Variants in CCDC14 observed in about 807,000 individuals in gnomAD.
CCDC14 encodes the protein coiled-coil domain-containing protein 14.
In CCDC14, 71 loss-of-function variants were observed where a neutral mutation model predicts 81.4. The ratio of observed to expected loss-of-function variants is 0.87; its 90% CI spans 0.72 to 1.06. The LOEUF (loss-of-function observed/expected upper bound fraction) is 1.06. CCDC14 is among the 50% of genes least tolerant of loss of function. The pLI is 0.00. For synonymous variants in CCDC14, 332 were observed against 364.8 expected (o/e 0.91, Z 1.03); for missense variants, 1,046 against 1,047.3 (o/e 1.00, Z 0.02).
chr3:123,915,278 T>G lies in CCDC14; in HGVS notation c.2219A>C (p.Glu740Ala), dbSNP rs2034599307. The G allele has an allele frequency of 6.2e-7, 1 of 1,613,850 alleles. No homozygotes were observed. The highest frequency in any genetic ancestry group is 8.5e-7 in the Non-Finnish European group (1 of 1,179,904). ...IYIPFARSTP[E>A]KKSPLSKRLS... Reference sequence around the variant, plus strand: ...TCTCTTAGAAAGTGGTGATTTCTTTTCAGGAGTGCTTCTAGCAAAAGGAAT... The same window carrying G: ...TCTCTTAGAAAGTGGTGATTTCTTTGCAGGAGTGCTTCTAGCAAAAGGAAT... The change falls in exon 13 of 13, where the codon GAA becomes GCA. Residue 740 changes from glutamate (E) to alanine (A), a missense_variant. Transcript: ENST00000409697.
chr3:123,890,302 C>T, the CCDC14 span, among the ~76,000 whole-genome samples: 8 of 152,304 alleles, frequency 5.3e-5, no homozygotes, highest in Non-Finnish European at 5.9e-5. Flanking sequence ...CCTCACATTT[C>T]AAAACCAATC....
At chr3:123,958,804 A>G (rs2148970792) in intron 1 of CCDC14, 1 of 152,150 alleles carries the variant, frequency 6.6e-6, no homozygotes, top group African/African-American at 2.4e-5. Context: ...AAAAACAAAA[A>G]TCCCTCTGGT....
chr3:123,885,178 T>C, the CCDC14 span, among the ~76,000 whole-genome samples: 1 of 152,100 alleles, frequency 6.6e-6, no homozygotes, highest in African/African-American at 2.4e-5. Context: ...TTAAGGAGTG[T>C]TTTTAAAAAT....
intron 9 of CCDC14, among the ~76,000 whole-genome samples, chr3:123,944,644 T>C (rs2036530001): frequency 6.6e-6 from 1 of 151,972 alleles, no homozygotes; most frequent in African/African-American, 2.4e-5. Flanking sequence ...AGGGGTAAAA[T>C]AAGTGGGAGA....
chr3:123,961,201 C>G lies in CCDC14; in HGVS notation c.-28G>C. ...CTCGCCGCCTCAGAGAAGCCCAGAC[C>G]GAGGGAAGTGAAGCCTCACGGTAAA... On this transcript the variant is annotated 5_prime_UTR_variant, in exon 1 of 13. Transcript: ENST00000409697. The G allele has an allele frequency of 3.2e-6, 5 of 1,551,592 alleles. No individual in the cohort carries two copies. Among genetic ancestry groups the G allele is most frequent in the Non-Finnish European group, 4.4e-6 (5 of 1,146,988 alleles).
chr3:123,931,668 C>T (rs2035728128), intron 10 of CCDC14, 142 bp from the exon 11 acceptor site: 5 of 544,956 alleles, frequency 9.2e-6, no homozygotes, highest in African/African-American at 2.0e-5. Flanking sequence ...AGCAGTTCTA[C>T]ATAAATACTA....
At chr3:123,923,838 A>G (rs1368106369) in intron 12 of CCDC14, among the ~76,000 whole-genome samples, 1 of 151,694 alleles carries the variant, frequency 6.6e-6, no homozygotes, top group African/African-American at 2.4e-5. Flanking sequence ...CATGATTGGA[A>G]GAAATAATAT....
In CCDC14 at chr3:123,947,259, A is replaced by G. The variant is rs200026659; in HGVS notation, c.745T>C (p.Cys249Arg). ...AATGAATTCCGTAGAACATCAGTAC[A>G]GGTTGCAGAAACTGTTTTACCTTGT... Reference protein sequence around the residue: ...ASQGKTVSATCTDVLRNSFNT... With the variant: ...ASQGKTVSATRTDVLRNSFNT... Residue 249 changes from cysteine to arginine, a missense_variant, in exon 8 of 13, where the codon TGT (cysteine) becomes CGT (arginine). Physicochemically the swap from Cys to Arg is radical, Grantham distance 180 (BLOSUM62 -3). Transcript: ENST00000409697. The G allele has an allele frequency of 1.3e-5, 21 of 1,613,838 alleles. No individual in the cohort carries two copies. The highest frequency in any genetic ancestry group is 1.8e-5 in the Non-Finnish European group (21 of 1,179,774).
chr3:123,937,723 A>T (rs1268782320), intron 9 of CCDC14, among the ~76,000 whole-genome samples: 5 of 151,760 alleles, frequency 3.3e-5, no homozygotes, highest in Admixed American at 1.3e-4. Context: ...TTGTATTTTT[A>T]AAATCTTTCC....
At chr3:123,928,821 A>T (rs576598289) in intron 12 of CCDC14, among the ~76,000 whole-genome samples, 2 of 152,324 alleles carry the variant, frequency 1.3e-5, no homozygotes, top group East Asian at 3.9e-4. Context: ...CTAGAAATTA[A>T]AAGATGTGAG....
rs755866458 is a variant in CCDC14, at chr3:123,915,384, G to C, written c.2113C>G (p.Leu705Val). 6.2e-7 allele frequency: 1 copy of C among 1,613,582 alleles called. No homozygotes were observed. The highest frequency in any genetic ancestry group is 8.5e-7 in the Non-Finnish European group (1 of 1,179,712). Residue 705 changes from leucine (L) to valine (V), a missense_variant, in exon 13 of 13, where the codon CTT becomes GTT. Leu to Val is a conservative substitution (Grantham distance 32, BLOSUM62 1). Coordinates refer to ENST00000409697, the MANE Select transcript of CCDC14 (RefSeq NM_001366335.1). The part of the protein sequence containing the change: ...EASAPGIISA[L>V]SKQDSDEGSE... ...CCTTCATCAGAATCCTGTTTTGAAA[G>C]GGCAGAAATAATTCCAGGTGCAGAT... is the stretch of plus-strand genomic sequence containing the variant.
chr3:123,892,762 CT>C (rs1172583224), downstream of CCDC14, among the ~76,000 whole-genome samples: 1 of 152,042 alleles, frequency 6.6e-6, no homozygotes, highest in African/African-American at 2.4e-5. Flanking sequence ...AATTTTTTCA[CT>C]TTTTTATTGT....
Position 123,933,701 on chromosome 3 carries a change from T to G in CCDC14, c.1398A>C (p.Pro466=), listed in dbSNP as rs140280602. ...CAAGGTTGCAATCCACAGCACCAGA[T>G]GGTTTTTGAGTTTTCTGTTGTTCTC... ...QLREQQKTQK[P]SGAVDCNLEL... Residue 466 remains proline (P), a synonymous_variant, in exon 10 of 13, where the codon CCA becomes CCC. Coordinates refer to ENST00000409697, the MANE Select transcript of CCDC14 (RefSeq NM_001366335.1). The G allele has an allele frequency of 3.5e-5, 55 of 1,575,388 alleles. 1 individual carries two copies. Among genetic ancestry groups the G allele is most frequent in the Non-Finnish European group, 3.1e-5 (36 of 1,157,874 alleles).
At chr3:123,901,954 A>G (rs1198818460) in intron 5 of CCDC14, among the ~76,000 whole-genome samples, 5 of 152,202 alleles carry the variant, frequency 3.3e-5, no homozygotes, top group Non-Finnish European at 5.9e-5. Context: ...AATAAAAGTA[A>G]CAAAAAAAAT....
chr3:123,917,662 T>TG (rs200011531), intron 12 of CCDC14, among the ~76,000 whole-genome samples: 2 of 151,738 alleles, frequency 1.3e-5, no homozygotes, highest in African/African-American at 4.8e-5. Context: ...ATTTTTTTTT[T>TG]GCTTATCAAA....
chr3:123,900,147 A>G (rs1272237204), intron 5 of CCDC14, among the ~76,000 whole-genome samples: 1 of 152,224 alleles, frequency 6.6e-6, no homozygotes, highest in Non-Finnish European at 1.5e-5. Flanking sequence ...TGCATTACTT[A>G]TCTGTGGAAA....
chr3:123,928,643 T>C (rs918787767), intron 12 of CCDC14, among the ~76,000 whole-genome samples: 3 of 152,242 alleles, frequency 2.0e-5, no homozygotes, highest in East Asian at 1.9e-4. Flanking sequence ...TTCACACATA[T>C]ATATTTGGAA....
At chr3:123,886,461 G>A in the CCDC14 span, among the ~76,000 whole-genome samples, 1 of 150,536 alleles carries the variant, frequency 6.6e-6, no homozygotes, top group African/African-American at 2.4e-5. Flanking sequence ...GCAGTGGCAC[G>A]ATCTCGGCTC....
chr3:123,943,160 A>G (rs1421348851), intron 9 of CCDC14, among the ~76,000 whole-genome samples: 1 of 151,954 alleles, frequency 6.6e-6, no homozygotes. Context: ...ACATATATAT[A>G]TATGTTTTCA....
Sources: allele counts gnomAD v4.1 joint callset (sites outside exome capture counted in the v4.1 genomes callset), GRCh38; gene constraint gnomAD v4.1.1; transcripts MANE v1.5; gene names NCBI Gene and HGNC (gene_info 2026-07-23, HGNC 2026-07-21).